Variants in PHF21A observed in about 807,000 individuals in gnomAD.
PHF21A encodes PHD finger protein 21A.
PHF21A carries 11 observed loss-of-function variants against 82.5 expected under a neutral mutation model. The observed-to-expected ratio is 0.13, with a 90% confidence interval of 0.08 to 0.22. PHF21A has a LOEUF of 0.22. Among genes scored for constraint, PHF21A ranks in the 10% least tolerant of loss-of-function variants. PHF21A has a pLI of 1.00. For synonymous variants in PHF21A, 297 were observed against 302.8 expected (o/e 0.98, Z 0.20); for missense variants, 579 against 837.8 (o/e 0.69, Z 3.81).
At chr11:45,935,961 C>T (rs776520620) in intron 17 of PHF21A, among the ~76,000 whole-genome samples, 3 of 152,052 alleles carry the variant, frequency 2.0e-5, no homozygotes, top group Non-Finnish European at 4.4e-5. Context: ...AAATGAGATA[C>T]CACATCTCAT....
At chr11:46,118,264 T>C (rs890803135) in intron 1 of PHF21A, 1 of 152,134 alleles carries the variant, frequency 6.6e-6, no homozygotes, top group African/African-American at 2.4e-5. Flanking sequence ...CAGTCCAAAA[T>C]ACAACATGCT....
At chr11:46,115,275 T>C (rs1290048928) in intron 1 of PHF21A, among the ~76,000 whole-genome samples, 2 of 152,172 alleles carry the variant, frequency 1.3e-5, no homozygotes, top group African/African-American at 2.4e-5. Context: ...CTAAAAGCTT[T>C]GGAAGAGTTC....
intron 17 of PHF21A, among the ~76,000 whole-genome samples, chr11:45,936,152 C>T (rs565420100): frequency 6.6e-6 from 1 of 152,162 alleles, no homozygotes; most frequent in East Asian, 1.9e-4. Context: ...GTAGTACACA[C>T]CTATAGTCTC....
intron 18 of PHF21A, 100 bp from the exon 19 acceptor site, chr11:45,934,325 A>G: frequency 8.2e-7 from 1 of 1,214,980 alleles, no homozygotes; most frequent in Non-Finnish European, 1.2e-6. Flanking sequence ...CAGGGAGAAG[A>G]AGCTCTGCTG....
intron 6 of PHF21A, among the ~76,000 whole-genome samples, chr11:46,003,432 C>T (rs1303108806): frequency 3.9e-5 from 6 of 151,924 alleles, no homozygotes; most frequent in Non-Finnish European, 7.4e-5. Flanking sequence ...TTTTATAAAA[C>T]TAAAGAGTCA....
chr11:46,081,037 T>C (rs1260860874), intron 4 of PHF21A, among the ~76,000 whole-genome samples: 1 of 152,192 alleles, frequency 6.6e-6, no homozygotes. Context: ...GTACGCTCAC[T>C]GGACTAATTT....
chr11:46,070,256 G>A (rs1197034382), intron 6 of PHF21A, among the ~76,000 whole-genome samples: 1 of 151,894 alleles, frequency 6.6e-6, no homozygotes, highest in African/African-American at 2.4e-5. Flanking sequence ...TTCCATAAAC[G>A]GCAAGATGAA....
At chr11:46,048,727 G>A (rs534154048) in intron 6 of PHF21A, among the ~76,000 whole-genome samples, 17 of 151,898 alleles carry the variant, frequency 1.1e-4, no homozygotes, top group African/African-American at 3.4e-4. Context: ...TCAAGATGGC[G>A]CCACTGCACT....
intron 10 of PHF21A, among the ~76,000 whole-genome samples, chr11:45,958,451 C>T (rs867075869): frequency 5.7e-4 from 35 of 61,408 alleles, no homozygotes; most frequent in Admixed American, 1.4e-3. Context: ...TATATATATA[C>T]ACACACACAC....
intron 11 of PHF21A, among the ~76,000 whole-genome samples, chr11:45,952,683 A>C (rs1225325753): frequency 6.6e-6 from 1 of 152,240 alleles, no homozygotes; most frequent in African/African-American, 2.4e-5. Flanking sequence ...AGGAAACCTG[A>C]ACTGGCTCAA....
chr11:45,977,841 T>C (rs574115910), intron 7 of PHF21A, among the ~76,000 whole-genome samples: 1 of 150,860 alleles, frequency 6.6e-6, no homozygotes, highest in South Asian at 2.1e-4. Context: ...TTTCTTCTTC[T>C]TCTTTTTTTT....
chr11:45,955,625 T>C (rs2092576408), intron 10 of PHF21A, among the ~76,000 whole-genome samples: 1 of 152,188 alleles, frequency 6.6e-6, no homozygotes, highest in African/African-American at 2.4e-5. Flanking sequence ...TGGTTCAAAT[T>C]TCTCTCTCTC....
chr11:46,091,176 C>T (rs545650852), intron 2 of PHF21A, among the ~76,000 whole-genome samples: 6 of 152,070 alleles, frequency 3.9e-5, no homozygotes, highest in Non-Finnish European at 8.8e-5. Context: ...GAAACCTTGG[C>T]CAAATATCTA....
At chr11:46,042,534 C>T (rs534881989) in intron 6 of PHF21A, among the ~76,000 whole-genome samples, 1 of 152,174 alleles carries the variant, frequency 6.6e-6, no homozygotes, top group Non-Finnish European at 1.5e-5. Context: ...AAATGTATAG[C>T]ATGTCTCCTA....
chr11:45,961,844 A>T (rs1173571197), intron 10 of PHF21A, among the ~76,000 whole-genome samples: 1 of 152,240 alleles, frequency 6.6e-6, no homozygotes, highest in Non-Finnish European at 1.5e-5. Context: ...TTCTGGCTTC[A>T]TCTACTTTTC....
chr11:46,061,140 G>C (rs1167708623), intron 6 of PHF21A, among the ~76,000 whole-genome samples: 1 of 152,016 alleles, frequency 6.6e-6, no homozygotes. Flanking sequence ...CTTATTTCTG[G>C]GTTCTGTATT....
At chr11:46,044,242 G>C (rs1296970992) in intron 6 of PHF21A, among the ~76,000 whole-genome samples, 1 of 152,144 alleles carries the variant, frequency 6.6e-6, no homozygotes, top group African/African-American at 2.4e-5. Flanking sequence ...AGTACAGCTA[G>C]AGGTACCTTT....
At chr11:46,020,416 G>A (rs372101919) in intron 6 of PHF21A, among the ~76,000 whole-genome samples, 57 of 152,172 alleles carry the variant, frequency 3.7e-4, no homozygotes, top group African/African-American at 1.3e-3. Flanking sequence ...GGGTCTTTGC[G>A]CAGCAGCAGG....
rs2093719730 is a variant in PHF21A, at chr11:45,971,181, A to G, written c.547T>C (p.Ser183Pro). ...VQNTPVNLQT[S>P]SKVTGPGAEA... is the part of the protein sequence containing the mutation. Reference sequence around the variant, plus strand: ...GCCCCAGGCCCAGTGACCTTACTAGACGTCTGGAGGTTGACTGGTGTGTTC... The same window carrying G: ...GCCCCAGGCCCAGTGACCTTACTAGGCGTCTGGAGGTTGACTGGTGTGTTC... The change falls in exon 8 of 19, where the codon TCT becomes CCT. Residue 183 changes from serine (S) to proline (P), a missense_variant. By Grantham distance (74) the Ser-to-Pro change is moderately conservative. Transcript: ENST00000676320. The G allele has an allele frequency of 1.2e-6, 2 of 1,614,180 alleles. No individual in the cohort carries two copies. Among genetic ancestry groups the G allele is most frequent in the Non-Finnish European group, 1.7e-6 (2 of 1,180,020 alleles).
Sources: gnomAD v4.1 joint callset for allele counts (sites outside exome capture counted in the v4.1 genomes callset) on GRCh38, gnomAD v4.1.1 for gene constraint, MANE v1.5 for transcripts, NCBI Gene and HGNC (gene_info 2026-07-23, HGNC 2026-07-21) for gene names.